NSDHL: variants seen among roughly 807,000 people sequenced by gnomAD.
The protein encoded by NSDHL is NAD(P) dependent 3-beta-hydroxysteroid dehydrogenase NSDHL, also known as sterol-4-alpha-carboxylate 3-dehydrogenase, decarboxylating.
Under a neutral mutation model 23.0 loss-of-function variants are expected in NSDHL, and 1 was observed. The observed-to-expected ratio is 0.04, with a 90% confidence interval of 0.02 to 0.21. The LOEUF (loss-of-function observed/expected upper bound fraction) is 0.21. NSDHL is among the 10% of genes least tolerant of loss of function. The probability of loss-of-function intolerance (pLI) is 1.00; values close to 1 mark genes in which losing one functional copy is unlikely to be tolerated. For synonymous variants in NSDHL, 128 were observed against 121.1 expected, an observed-to-expected ratio of 1.06 and a Z score of -0.37; for missense variants, 237 against 300.9, an observed-to-expected ratio of 0.79 and a Z score of 1.57.
intron 1 of NSDHL, among the ~76,000 whole-genome samples, chrX:152,841,566 C>T (rs1169503761): frequency 4.5e-5 from 5 of 112,354 alleles, no homozygotes; most frequent in Non-Finnish European, 9.4e-5. Context: ...ACCAGTACAA[C>T]ATATCTCTGT....
At chrX:152,862,533 A>G (rs1201646526) in intron 4 of NSDHL, 63 bp from the exon 5 acceptor site, 91 of 1,050,357 alleles carry the variant, frequency 8.7e-5, no homozygotes, top group Non-Finnish European at 1.1e-4. Flanking sequence ...TTCATACAGG[A>G]TCATGCACTG....
chrX:152,853,889 C>T (rs374246977), intron 3 of NSDHL, among the ~76,000 whole-genome samples: 11 of 112,252 alleles, frequency 9.8e-5, no homozygotes, highest in African/African-American at 3.6e-4. Flanking sequence ...CCTGCCAGTA[C>T]GGACGTCCTC....
At chrX:152,863,987 C>G (rs992374499) in intron 5 of NSDHL, among the ~76,000 whole-genome samples, 7 of 110,678 alleles carry the variant, frequency 6.3e-5, no homozygotes, top group Non-Finnish European at 1.3e-4. Flanking sequence ...TCTCGGCTCA[C>G]TGCAACCTCC....
intron 3 of NSDHL, among the ~76,000 whole-genome samples, chrX:152,854,208 A>G (rs1454840139): frequency 1.8e-5 from 2 of 110,799 alleles, no homozygotes; most frequent in Non-Finnish European, 3.8e-5. Flanking sequence ...CTCCAGCCAC[A>G]CTCAACTGCT....
chrX:152,849,763 G>A (rs922870381), intron 2 of NSDHL, among the ~76,000 whole-genome samples: 8 of 112,770 alleles, frequency 7.1e-5, no homozygotes, highest in Admixed American at 6.6e-4. Flanking sequence ...GCCAGAGAGG[G>A]AAAGGGACTG....
Position 152,868,941 on chromosome X carries a change from C to G in NSDHL, c.947C>G (p.Pro316Arg), listed in dbSNP as rs782141957. Reference sequence around the variant, plus strand: ...TCCCTGCTGGTGATGGTGATCAGTCCTGTCATCCAGCTGCAGCCCACCTTC... The same window carrying G: ...TCCCTGCTGGTGATGGTGATCAGTCGTGTCATCCAGCTGCAGCCCACCTTC... The part of the protein sequence containing the change: ...LLSLLVMVIS[P>R]VIQLQPTFTP... The change falls in exon 8 of 8, where the codon CCT becomes CGT. Residue 316 changes from proline (P) to arginine (R), a missense_variant. Coordinates refer to ENST00000370274, the MANE Select transcript of NSDHL (RefSeq NM_015922.3). 4 of 1,212,172 alleles carry G rather than the reference C, an allele frequency of 3.3e-6. No individual in the cohort carries two copies. The highest frequency in any genetic ancestry group is 4.5e-6 in the Non-Finnish European group (4 of 895,595).
At chrX:152,868,038 C>T (rs1933636760) in intron 7 of NSDHL, among the ~76,000 whole-genome samples, 1 of 111,248 alleles carries the variant, frequency 9.0e-6, no homozygotes, top group South Asian at 3.8e-4. Flanking sequence ...CAGGTCTCTC[C>T]CTCCCTTGCT....
At position 152,869,153 on chromosome X, in the gene NSDHL, C is replaced by T; in HGVS notation, c.*37C>T. ...GGCTGGGCTCTCTCGACACGTTGCTCAGCCAGTCACTCCTTCCCCTGTGGA... is the reference window on the plus strand; with the variant it reads ...GGCTGGGCTCTCTCGACACGTTGCTTAGCCAGTCACTCCTTCCCCTGTGGA... On this transcript the variant is annotated 3_prime_UTR_variant, in exon 8 of 8. Transcript: ENST00000370274. 1 of 1,052,380 alleles carries T rather than the reference C, an allele frequency of 9.5e-7. No homozygotes were observed. Among genetic ancestry groups the T allele is most frequent in the Non-Finnish European group, 1.3e-6 (1 of 752,793 alleles). The allele number at this position is 1,052,380 out of a possible 1,213,427, so 86.7% of individuals were successfully genotyped here.
intron 3 of NSDHL, among the ~76,000 whole-genome samples, chrX:152,850,972 A>C (rs1933347702): frequency 9.0e-6 from 1 of 111,643 alleles, no homozygotes; most frequent in Admixed American, 9.5e-5. Context: ...TCTACTTCCC[A>C]TCTATGGATT....
At chrX:152,864,188 C>T (rs1221811511) in intron 5 of NSDHL, among the ~76,000 whole-genome samples, 2 of 112,489 alleles carry the variant, frequency 1.8e-5, no homozygotes, top group East Asian at 5.6e-4. Context: ...GGATTACAGG[C>T]GTGAGCCACC....
chrX:152,848,889 A>G (rs782351672), intron 2 of NSDHL, among the ~76,000 whole-genome samples: 3 of 112,829 alleles, frequency 2.7e-5, no homozygotes, highest in South Asian at 3.6e-4. Flanking sequence ...GAGGAAATAT[A>G]CATCTCAGTC....
rs782688243 is a variant in NSDHL, at chrX:152,861,027, ACT to A, written c.415-1566_415-1565del. 3.1e-3 allele frequency among the ~76,000 whole-genome samples: 350 copies of A among 112,271 alleles called. 7 individuals are homozygous for A. Among genetic ancestry groups the A allele is most frequent in the African/African-American group, 0.011 (340 of 30,948 alleles). On this transcript the variant is annotated intron_variant, in intron 4 of 7. Transcript: ENST00000370274. ...TTCTTTATTCATCTTGGCATATGTA[ACT>A]CTGGTTTATTTACTGAAGGGGCAGA...
intron 1 of NSDHL, among the ~76,000 whole-genome samples, chrX:152,836,356 T>C (rs1370752142): frequency 8.9e-6 from 1 of 112,424 alleles, no homozygotes; most frequent in Admixed American, 9.4e-5. Flanking sequence ...CTTCTGGTGT[T>C]TTAGTCATGA....
At chrX:152,850,985 C>T (rs782411051) in intron 3 of NSDHL, among the ~76,000 whole-genome samples, 3 of 112,057 alleles carry the variant, frequency 2.7e-5, no homozygotes, top group Non-Finnish European at 5.6e-5. Flanking sequence ...TATGGATTGG[C>T]CTCTTCTGGA....
chrX:152,858,990 T>A, intron 4 of NSDHL, 74 bp downstream of exon 4: 1 of 919,175 alleles, frequency 1.1e-6, no homozygotes, highest in East Asian at 3.1e-5. Context: ...GCCGTAGTTC[T>A]TGCAGTCTCC....
chrX:152,856,119 C>G (rs1933441301), intron 3 of NSDHL, among the ~76,000 whole-genome samples: 1 of 111,633 alleles, frequency 9.0e-6, no homozygotes, highest in Non-Finnish European at 1.9e-5. Flanking sequence ...GATTACATCC[C>G]CATTGCGTTT....
chrX:152,835,699 G>T (rs1383574737), intron 1 of NSDHL, among the ~76,000 whole-genome samples: 1 of 111,694 alleles, frequency 9.0e-6, no homozygotes, highest in Non-Finnish European at 1.9e-5. Context: ...CAGTCTATCA[G>T]TGTTGGACAT....
chrX:152,844,878 C>G (rs1354095416), intron 1 of NSDHL, among the ~76,000 whole-genome samples: 2 of 111,943 alleles, frequency 1.8e-5, no homozygotes, highest in Non-Finnish European at 3.8e-5. Flanking sequence ...TCCTTGTTCT[C>G]TAGCTGCTTT....
At chrX:152,840,822 A>T (rs1933179641) in intron 1 of NSDHL, among the ~76,000 whole-genome samples, 1 of 112,831 alleles carries the variant, frequency 8.9e-6, no homozygotes, top group Admixed American at 9.3e-5. Flanking sequence ...TGCTGGGAGA[A>T]CTACTGCTCT....
Sources: allele counts gnomAD v4.1 joint callset (sites outside exome capture counted in the v4.1 genomes callset), GRCh38; gene constraint gnomAD v4.1.1; transcripts MANE v1.5; gene names NCBI Gene and HGNC (gene_info 2026-07-23, HGNC 2026-07-21).